Variants in SOX6 observed in about 807,000 individuals in gnomAD.
SOX6 encodes the protein transcription factor SOX-6.
A neutral mutation model predicts 97.8 loss-of-function variants in SOX6; 11 were observed. The observed-to-expected ratio is 0.11, with a 90% CI of 0.07 to 0.19. The LOEUF (loss-of-function observed/expected upper bound fraction) is 0.19, where lower values mean the gene tolerates loss of function less well. Among genes scored for constraint, SOX6 ranks in the 10% least tolerant of loss-of-function variants. The pLI, the probability that SOX6 is intolerant of heterozygous loss-of-function variation, is 1.00. For synonymous variants in SOX6, 360 were observed against 371.4 expected (o/e 0.97, Z 0.35); for missense variants, 810 against 1,039.5 (o/e 0.78, Z 3.04).
In SOX6 at chr11:16,493,933, T is replaced by C. The variant is rs79205244; in HGVS notation, n.610-17545A>G. Among the ~76,000 whole-genome samples, 477 of 152,292 alleles carry C rather than the reference T, an allele frequency of 3.1e-3. 4 individuals carry two copies. The highest frequency in any genetic ancestry group is 0.011 in the African/African-American group (450 of 41,560). Reference sequence around the variant, plus strand: ...GAAATTTTTCCTACGTAGACATTTGTACAAGAACACAAAGAAGGATATACA... The same window carrying C: ...GAAATTTTTCCTACGTAGACATTTGCACAAGAACACAAAGAAGGATATACA... On this transcript the variant is annotated intron_variant and non_coding_transcript_variant, in intron 4 of 5. Transcript: ENST00000524520.
At chr11:16,023,302 TC>T (rs1452393052) in intron 12 of SOX6, 2 of 152,126 alleles carry the variant, frequency 1.3e-5, no homozygotes, top group African/African-American at 4.8e-5. Flanking sequence ...AGGTACAGTA[TC>T]CATGTCTTAT....
chr11:16,523,016 C>G (rs1225861372), intron 4 of SOX6, among the ~76,000 whole-genome samples: 1 of 152,072 alleles, frequency 6.6e-6, no homozygotes, highest in Non-Finnish European at 1.5e-5. Context: ...ACTTAGACTC[C>G]CACACAATAA....
At chr11:16,531,714 T>A (rs527793889) in intron 4 of SOX6, among the ~76,000 whole-genome samples, 17 of 152,062 alleles carry the variant, frequency 1.1e-4, no homozygotes, top group African/African-American at 3.8e-4. Context: ...CACACTAAAG[T>A]CTTACATTAT....
chr11:16,186,745 C>T, intron 5 of SOX6, 38 bp downstream of exon 5: 1 of 1,609,240 alleles, frequency 6.2e-7, no homozygotes, highest in Non-Finnish European at 8.5e-7. Context: ...TGGCACATTC[C>T]ACATCTCCAG....
intron 4 of SOX6, among the ~76,000 whole-genome samples, chr11:16,537,521 C>T (rs1000419433): frequency 6.6e-6 from 1 of 152,044 alleles, no homozygotes; most frequent in South Asian, 2.1e-4. Flanking sequence ...TAACAACAAA[C>T]TTCTCTGAGC....
Position 16,650,590 on chromosome 11 carries a change from C to A in SOX6, n.430-38330G>T, listed in dbSNP as rs185882250. The stretch of plus-strand genomic sequence containing the variant: ...TCTTTGAGCTGAATGGTAATAGTGA[C>A]ATAACATAAAAAAGCCTCTGGTATA... On this transcript the variant is annotated intron_variant and non_coding_transcript_variant, in intron 3 of 5. Transcript: ENST00000524520. Among the ~76,000 whole-genome samples the A allele has an allele frequency of 1.4e-4, 21 of 151,920 alleles. 1 individual carries two copies. The East Asian group carries it at 4.1e-3, about 29-fold the overall frequency.
intron 1 of SOX6, among the ~76,000 whole-genome samples, chr11:16,427,368 T>C (rs1398667375): frequency 6.6e-6 from 1 of 151,302 alleles, no homozygotes; most frequent in Non-Finnish European, 1.5e-5. Flanking sequence ...TTAGGGTACA[T>C]GTGCACAATG....
intron 10 of SOX6, among the ~76,000 whole-genome samples, chr11:16,054,656 A>G (rs1017663468): frequency 6.6e-6 from 1 of 152,196 alleles, no homozygotes; most frequent in Non-Finnish European, 1.5e-5. Context: ...ATAGCATCCA[A>G]TGATTAATTT....
At chr11:15,999,794 T>C (rs1418610665) in intron 13 of SOX6, among the ~76,000 whole-genome samples, 2 of 152,208 alleles carry the variant, frequency 1.3e-5, no homozygotes, top group East Asian at 1.9e-4. Context: ...ACAATCACAG[T>C]ATTTCAGACT....
At chr11:16,261,517 G>T (rs1408733343) in intron 3 of SOX6, among the ~76,000 whole-genome samples, 1 of 151,858 alleles carries the variant, frequency 6.6e-6, no homozygotes, top group Non-Finnish European at 1.5e-5. Context: ...GTAAAAACGG[G>T]GAAAAATACA....
At chr11:16,173,062 G>A (rs991032254) in intron 6 of SOX6, among the ~76,000 whole-genome samples, 2 of 151,902 alleles carry the variant, frequency 1.3e-5, no homozygotes, top group Non-Finnish European at 2.9e-5. Context: ...AATTTACTGT[G>A]TTCCAGGAAA....
intron 3 of SOX6, among the ~76,000 whole-genome samples, chr11:16,668,049 A>G (rs1847820069): frequency 6.6e-6 from 1 of 152,138 alleles, no homozygotes; most frequent in Non-Finnish European, 1.5e-5. Context: ...AAGTTATAAG[A>G]TAGTATTTGC....
chr11:16,111,668 T>C, intron 7 of SOX6, 135 bp downstream of exon 7: 1 of 1,231,910 alleles, frequency 8.1e-7, no homozygotes, highest in Non-Finnish European at 1.2e-6. Context: ...CCAATTCTAA[T>C]TTTACTTTAA....
At chr11:16,082,999 G>C (rs904050265) in intron 9 of SOX6, among the ~76,000 whole-genome samples, 1 of 152,068 alleles carries the variant, frequency 6.6e-6, no homozygotes, top group Non-Finnish European at 1.5e-5. Context: ...TCTTTGTCTG[G>C]AGTGCTTTTT....
intron 13 of SOX6, among the ~76,000 whole-genome samples, chr11:16,013,113 T>C (rs1415683722): frequency 6.6e-6 from 1 of 152,030 alleles, no homozygotes; most frequent in Non-Finnish European, 1.5e-5. Flanking sequence ...TAACTGACTA[T>C]ATTTACACCA....
intron 3 of SOX6, among the ~76,000 whole-genome samples, chr11:16,239,760 G>A (rs1226662436): frequency 6.6e-6 from 1 of 151,998 alleles, no homozygotes; most frequent in Non-Finnish European, 1.5e-5. Context: ...ATTAAGGAAT[G>A]CACCAACTGT....
chr11:16,014,098 A>C (rs1188419772), intron 13 of SOX6, among the ~76,000 whole-genome samples: 1 of 152,038 alleles, frequency 6.6e-6, no homozygotes, highest in Non-Finnish European at 1.5e-5. Context: ...AGCTAATGGG[A>C]AAACCAGTCT....
At position 16,276,813 on chromosome 11, in the gene SOX6, T is replaced by C. The variant is rs570965263; in HGVS notation, c.445+41633A>G. Reference sequence around the variant, plus strand: ...TTTTGTTTTATTTGTTTTCTTTTGTTGTGGATACTTGCATCTTAAAACATT... The same window carrying C: ...TTTTGTTTTATTTGTTTTCTTTTGTCGTGGATACTTGCATCTTAAAACATT... On this transcript the variant is annotated intron_variant, in intron 3 of 15. Coordinates refer to ENST00000683767, the MANE Select transcript of SOX6 (RefSeq NM_001367873.1). Among the ~76,000 whole-genome samples the C allele has an allele frequency of 1.2e-4, 19 of 152,334 alleles. 1 individual carries two copies. The highest frequency in any genetic ancestry group is 4.1e-4 in the African/African-American group (17 of 41,578).
rs1366531598 is a variant in SOX6, at chr11:15,998,845, T to C, written c.1733-9615A>G. Reference sequence around the variant, plus strand: ...ACTCCTCTAAATATACATAAGACAATATTTTAGTGACTTTAAAGTAAAATG... The same window carrying C: ...ACTCCTCTAAATATACATAAGACAACATTTTAGTGACTTTAAAGTAAAATG... On this transcript the variant is annotated intron_variant, in intron 13 of 15. Transcript: ENST00000683767. Among the ~76,000 whole-genome samples the C allele has an allele frequency of 2.0e-5, 3 of 152,036 alleles. 1 individual carries two copies. In the East Asian group the frequency reaches 5.8e-4, roughly 29 times the overall value.
Sources: allele counts gnomAD v4.1 joint callset (sites outside exome capture counted in the v4.1 genomes callset), GRCh38; gene constraint gnomAD v4.1.1; transcripts MANE v1.5; gene names NCBI Gene and HGNC (gene_info 2026-07-23, HGNC 2026-07-21).